GRID1: variants seen among roughly 807,000 people sequenced by gnomAD.
GRID1 encodes glutamate receptor ionotropic, delta-1.
Under a neutral mutation model 98.0 loss-of-function variants are expected in GRID1, and 28 were observed. That is an observed-to-expected ratio of 0.29 (90% confidence interval 0.21 to 0.39). The LOEUF is 0.39. GRID1 is among the 10% of genes least tolerant of loss of function. The pLI, the probability that GRID1 is intolerant of heterozygous loss-of-function variation, is 1.00. For synonymous variants in GRID1, 553 were observed against 538.5 expected (o/e 1.03, Z -0.37); for missense variants, 1,111 against 1,340.5 (o/e 0.83, Z 2.67).
At chr10:86,228,777 G>T (rs947612205) in intron 2 of GRID1, among the ~76,000 whole-genome samples, 1 of 152,140 alleles carries the variant, frequency 6.6e-6, no homozygotes, top group Non-Finnish European at 1.5e-5. Context: ...TCAGGAAGTG[G>T]ATGTGTGGGT....
At chr10:85,608,817 A>C (rs1416309993) in intron 15 of GRID1, among the ~76,000 whole-genome samples, 16 of 152,162 alleles carry the variant, frequency 1.1e-4, no homozygotes, top group Admixed American at 1.0e-3. Context: ...GTGTATGGTA[A>C]ATGTTCCATG....
chr10:86,227,694 C>T (rs1039352108), intron 2 of GRID1, among the ~76,000 whole-genome samples: 5 of 152,134 alleles, frequency 3.3e-5, no homozygotes, highest in Admixed American at 6.5e-5. Flanking sequence ...ATGCTCGGCC[C>T]AGCTCCCACC....
At chr10:85,848,559 T>C (rs182388702) in intron 8 of GRID1, among the ~76,000 whole-genome samples, 3 of 152,230 alleles carry the variant, frequency 2.0e-5, no homozygotes, top group African/African-American at 7.2e-5. Context: ...TAAAGAGCAA[T>C]TTGATAAATA....
chr10:86,248,966 C>T (rs933997767), intron 2 of GRID1, among the ~76,000 whole-genome samples: 2 of 152,180 alleles, frequency 1.3e-5, no homozygotes, highest in Non-Finnish European at 2.9e-5. Context: ...AACAGGGCCA[C>T]CCCCACCCTC....
chr10:86,146,949 C>A (rs1845097605), intron 3 of GRID1, among the ~76,000 whole-genome samples: 1 of 152,204 alleles, frequency 6.6e-6, no homozygotes, highest in Non-Finnish European at 1.5e-5. Context: ...GGCCCAGGGG[C>A]AATTCAGCAA....
chr10:85,952,111 T>C (rs1210503047), intron 4 of GRID1, among the ~76,000 whole-genome samples: 1 of 152,260 alleles, frequency 6.6e-6, no homozygotes, highest in East Asian at 1.9e-4. Flanking sequence ...TCGATTCTCC[T>C]TTCTGTCTCT....
intron 4 of GRID1, among the ~76,000 whole-genome samples, chr10:86,080,783 C>T (rs540296105): frequency 7.4e-4 from 112 of 152,240 alleles, no homozygotes; most frequent in African/African-American, 2.5e-3. Context: ...TCCACACAGA[C>T]GACTGGAGCT....
intron 13 of GRID1, chr10:85,645,544 A>C (rs1336253022): frequency 6.6e-6 from 1 of 152,234 alleles, no homozygotes; most frequent in Non-Finnish European, 1.5e-5. Flanking sequence ...TTCAAAATTT[A>C]TCATGATATG....
intron 12 of GRID1, among the ~76,000 whole-genome samples, chr10:85,682,519 T>G (rs1841222208): frequency 6.6e-6 from 1 of 152,224 alleles, no homozygotes; most frequent in African/African-American, 2.4e-5. Context: ...ACCCTAGCAA[T>G]GTGATGTCAC....
At chr10:85,847,099 C>T (rs888691601) in intron 8 of GRID1, among the ~76,000 whole-genome samples, 12 of 152,072 alleles carry the variant, frequency 7.9e-5, no homozygotes, top group African/African-American at 2.7e-4. Flanking sequence ...CCTGCTATAA[C>T]AAAAAAACAA....
chr10:86,111,283 C>A (rs1844478533), intron 4 of GRID1, among the ~76,000 whole-genome samples: 1 of 152,104 alleles, frequency 6.6e-6, no homozygotes, highest in African/African-American at 2.4e-5. Flanking sequence ...TTTTTAATTC[C>A]CTACTAAAAT....
intron 5 of GRID1, among the ~76,000 whole-genome samples, chr10:85,907,252 C>T (rs753482404): frequency 1.3e-5 from 2 of 152,150 alleles, no homozygotes; most frequent in Non-Finnish European, 2.9e-5. Flanking sequence ...GCTGGGATTA[C>T]AGGGGTGTAT....
chr10:85,769,767 G>C (rs931715531), intron 8 of GRID1, among the ~76,000 whole-genome samples: 4 of 152,228 alleles, frequency 2.6e-5, no homozygotes, highest in Admixed American at 2.0e-4. Flanking sequence ...CAGTGAGGCT[G>C]GGGGAGGGGC....
intron 4 of GRID1, among the ~76,000 whole-genome samples, chr10:86,090,174 T>A (rs1304753780): frequency 6.6e-6 from 1 of 151,866 alleles, no homozygotes; most frequent in Non-Finnish European, 1.5e-5. Context: ...ACCCAGCACT[T>A]TGGGAGGTCG....
At chr10:85,606,524 G>C (rs1842666562) in intron 15 of GRID1, 1 of 152,174 alleles carries the variant, frequency 6.6e-6, no homozygotes, top group Non-Finnish European at 1.5e-5. Context: ...TATCTTTCCT[G>C]GAAAACAAAC....
At chr10:85,604,104 C>A (rs867637119) in intron 15 of GRID1, among the ~76,000 whole-genome samples, 5 of 152,282 alleles carry the variant, frequency 3.3e-5, no homozygotes, top group African/African-American at 1.2e-4. Flanking sequence ...CTAACCCCCA[C>A]AAAGGGTCAA....
At chr10:85,829,197 C>T (rs1205534725) in intron 8 of GRID1, among the ~76,000 whole-genome samples, 1 of 151,850 alleles carries the variant, frequency 6.6e-6, no homozygotes, top group East Asian at 1.9e-4. Context: ...GAACTAAAAA[C>T]AAAAGCCACA....
At chr10:86,304,808 C>T (rs561248669) in intron 2 of GRID1, among the ~76,000 whole-genome samples, 3 of 152,312 alleles carry the variant, frequency 2.0e-5, no homozygotes, top group African/African-American at 7.2e-5. Flanking sequence ...GGCTGGCAAA[C>T]TTCAAAGCCA....
intron 4 of GRID1, among the ~76,000 whole-genome samples, chr10:86,077,529 A>G (rs893242592): frequency 6.6e-6 from 1 of 152,204 alleles, no homozygotes; most frequent in Non-Finnish European, 1.5e-5. Context: ...CTTCCAAAGC[A>G]TTCCCTGCTC....
Sources: allele counts gnomAD v4.1 joint callset (sites outside exome capture counted in the v4.1 genomes callset), GRCh38; gene constraint gnomAD v4.1.1; transcripts MANE v1.5; gene names NCBI Gene and HGNC (gene_info 2026-07-23, HGNC 2026-07-21).